The following TACC1 variants were observed in gnomAD, a reference collection of about 807,000 sequenced individuals.
The protein encoded by TACC1 is transforming acidic coiled-coil-containing protein 1.
A neutral mutation model predicts 84.4 loss-of-function variants in TACC1; 48 were observed. That is an observed-to-expected ratio of 0.57 (90% CI 0.45 to 0.72). TACC1 has a LOEUF of 0.72. Among genes scored for constraint, TACC1 ranks in the 30% least tolerant of loss-of-function variants. TACC1 has a pLI of 0.00. For missense variants in TACC1, 920 were observed against 973.0 expected, an observed-to-expected ratio of 0.95 and a Z score of 0.72; for synonymous variants, 372 against 376.3, an observed-to-expected ratio of 0.99 and a Z score of 0.13.
chr8:38,758,256 G>T (rs967536134), intron 3 of TACC1, among the ~76,000 whole-genome samples: 11 of 152,186 alleles, frequency 7.2e-5, no homozygotes, highest in African/African-American at 2.7e-4. Flanking sequence ...AAGCAGCCTG[G>T]ACCGCGGGAG....
intron 3 of TACC1, among the ~76,000 whole-genome samples, chr8:38,821,320 G>A (rs371303278): frequency 2.0e-5 from 3 of 152,112 alleles, no homozygotes; most frequent in South Asian, 2.1e-4. Context: ...GCTGGCCACC[G>A]TCTTCATACT....
At chr8:38,846,950 T>C in intron 12 of TACC1, 131 bp downstream of exon 12, 2 of 1,071,992 alleles carry the variant, frequency 1.9e-6, no homozygotes, top group South Asian at 3.5e-5. Flanking sequence ...TCCAGCTCCT[T>C]TCTGAACTGA....
chr8:38,788,597 A>T, intron 1 of TACC1, 107 bp from the exon 2 acceptor site: 1 of 869,092 alleles, frequency 1.2e-6, no homozygotes, highest in Non-Finnish European at 1.8e-6. Flanking sequence ...GTTGGTTGTG[A>T]AGTTAGACAA....
rs776609843 is a variant in TACC1 at position 38,788,749 on chromosome 8, G to A, written c.207G>A (p.Pro69=). ...GNFETPEAET[P]IRSPFKESCD... ...TTGAGACTCCTGAAGCTGAAACCCC[G>A]ATCCGATCACCTTTCAAGGAGTCCT... The change falls in exon 2 of 13, where the codon CCG becomes CCA. Residue 69 remains proline (P), a synonymous_variant. Coordinates refer to ENST00000317827, the MANE Select transcript of TACC1 (RefSeq NM_006283.3). The A allele has an allele frequency of 1.5e-5, 24 of 1,613,882 alleles. No homozygotes were observed. The Admixed American group carries it at 1.7e-4, about 11-fold the overall frequency.
At chr8:38,736,163 T>C (rs1327445913) in intron 1 of TACC1, among the ~76,000 whole-genome samples, 1 of 152,180 alleles carries the variant, frequency 6.6e-6, no homozygotes, top group Non-Finnish European at 1.5e-5. Flanking sequence ...TTCCTTTGCC[T>C]CTCTTGTATA....
At chr8:38,748,926 G>A (rs991714018) in intron 3 of TACC1, among the ~76,000 whole-genome samples, 1 of 151,076 alleles carries the variant, frequency 6.6e-6, no homozygotes, top group Non-Finnish European at 1.5e-5. Context: ...AGCAGAGGAA[G>A]AAAATAATAA....
chr8:38,784,554 T>G, upstream of TACC1, among the ~76,000 whole-genome samples: 1 of 149,472 alleles, frequency 6.7e-6, no homozygotes, highest in South Asian at 2.1e-4. Flanking sequence ...GGTGACAGAG[T>G]GAGACTCCAT....
chr8:38,760,730 C>CA (rs1563308622), intron 3 of TACC1, among the ~76,000 whole-genome samples: 1 of 152,136 alleles, frequency 6.6e-6, no homozygotes, highest in African/African-American at 2.4e-5. Context: ...CCATGTTGGC[C>CA]AGGCTGGTCT....
intron 3 of TACC1, chr8:38,824,118 T>C: frequency 2.0e-6 from 2 of 1,011,774 alleles, no homozygotes; most frequent in Admixed American, 4.1e-5. Flanking sequence ...TGTTTGCTTC[T>C]AATTCTGAGT....
intron 3 of TACC1, among the ~76,000 whole-genome samples, chr8:38,768,609 T>A (rs1238091354): frequency 6.6e-6 from 1 of 152,166 alleles, no homozygotes; most frequent in Non-Finnish European, 1.5e-5. Context: ...CCTGTATGAA[T>A]GGTCCAGGGG....
chr8:38,789,209 T>C (rs1322926086), intron 2 of TACC1, among the ~76,000 whole-genome samples: 1 of 152,192 alleles, frequency 6.6e-6, no homozygotes, highest in African/African-American at 2.4e-5. Context: ...TAATTTTTGA[T>C]AGGGAGGTTC....
intron 5 of TACC1, among the ~76,000 whole-genome samples, chr8:38,829,977 G>A (rs1172001107): frequency 6.6e-6 from 1 of 152,182 alleles, no homozygotes; most frequent in African/African-American, 2.4e-5. Context: ...TTTTCACACA[G>A]CCATGGGAAG....
chr8:38,790,199 C>T (rs1413286956), intron 2 of TACC1, among the ~76,000 whole-genome samples: 1 of 152,176 alleles, frequency 6.6e-6, no homozygotes, highest in Non-Finnish European at 1.5e-5. Flanking sequence ...TCTGTCTCAA[C>T]ACATGGCCAT....
chr8:38,843,746 G>T (rs1357783197), intron 11 of TACC1, among the ~76,000 whole-genome samples: 4 of 152,112 alleles, frequency 2.6e-5, no homozygotes, highest in African/African-American at 9.7e-5. Context: ...TGCAAGAAGA[G>T]CTTCCTCTTT....
chr8:38,781,507 G>A (rs970146280), intron 3 of TACC1, among the ~76,000 whole-genome samples: 2 of 151,792 alleles, frequency 1.3e-5, no homozygotes, highest in Admixed American at 6.6e-5. Context: ...TCAGCCGTCT[G>A]AGTAGCTAGG....
chr8:38,770,489 T>C (rs1366117284), intron 3 of TACC1, among the ~76,000 whole-genome samples: 1 of 152,094 alleles, frequency 6.6e-6, no homozygotes, highest in Non-Finnish European at 1.5e-5. Context: ...TTGGTCCTAG[T>C]TGAGCTCTCT....
intron 3 of TACC1, among the ~76,000 whole-genome samples, chr8:38,756,793 C>CA (rs368832395): frequency 7.5e-4 from 114 of 152,332 alleles, no homozygotes; most frequent in African/African-American, 2.3e-3. Context: ...TCTCAGGAGG[C>CA]AGAAGCGGTT....
intron 1 of TACC1, among the ~76,000 whole-genome samples, chr8:38,741,459 CATGCTGTT>C: frequency 6.6e-6 from 1 of 152,246 alleles, no homozygotes; most frequent in Non-Finnish European, 1.5e-5. Flanking sequence ...GCGCCTGGCC[CATGCTGTT>C]ATTTTTACAC....
intron 5 of TACC1, among the ~76,000 whole-genome samples, chr8:38,828,610 T>C (rs1483206345): frequency 1.3e-5 from 2 of 152,174 alleles, no homozygotes; most frequent in Admixed American, 6.6e-5. Flanking sequence ...AAGGACATTG[T>C]TTTTCTCTGT....
Sources: allele counts gnomAD v4.1 joint callset (sites outside exome capture counted in the v4.1 genomes callset), GRCh38; gene constraint gnomAD v4.1.1; transcripts MANE v1.5; gene names NCBI Gene and HGNC (gene_info 2026-07-23, HGNC 2026-07-21).